Variants in COL22A1 observed in about 807,000 individuals in gnomAD.
COL22A1 encodes the protein collagen alpha-1(XXII) chain.
COL22A1 carries 221 observed loss-of-function variants against 248.9 expected under a neutral mutation model. The ratio of observed to expected loss-of-function variants is 0.89; its 90% CI spans 0.80 to 0.99. The LOEUF (loss-of-function observed/expected upper bound fraction) is 0.99, where lower values mean the gene tolerates loss of function less well. Among genes scored for constraint, COL22A1 ranks in the 50% least tolerant of loss-of-function variants. The pLI is 0.00. For missense variants in COL22A1, 2,240 were observed against 2,179.0 expected, an observed-to-expected ratio of 1.03 and a Z score of -0.56; for synonymous variants, 891 against 793.4, an observed-to-expected ratio of 1.12 and a Z score of -2.07.
intron 23 of COL22A1, among the ~76,000 whole-genome samples, chr8:138,728,641 G>T (rs1019443058): frequency 6.6e-6 from 1 of 151,864 alleles, no homozygotes; most frequent in Non-Finnish European, 1.5e-5. Context: ...CACGTTAGAG[G>T]TGATGGCTCT....
chr8:138,592,309 T>C (rs1379988544), intron 63 of COL22A1, among the ~76,000 whole-genome samples: 1 of 152,190 alleles, frequency 6.6e-6, no homozygotes, highest in African/African-American at 2.4e-5. Context: ...ATCAATCACT[T>C]GTTTTGCCAT....
rs998463752 is a variant in COL22A1, at chr8:138,616,178, G to A, written c.3871-124C>T. On this transcript the variant is annotated intron_variant, in intron 54 of 64. Transcript: ENST00000303045. ...CCAGGGGCCCTGTCAACTTCCATAC[G>A]CAGAGCCCCAGCCCTGAGTTGAGGT... 64 of 792,440 alleles carry A rather than the reference G, an allele frequency of 8.1e-5. No individual in the cohort carries two copies. In the Admixed American group the frequency reaches 1.1e-3, roughly 14 times the overall value. The allele number at this position is 792,440 out of a possible 1,614,324, so 49.1% of individuals were successfully genotyped here. A position where few individuals can be genotyped will look rare whatever the true frequency, so the allele number is the denominator to read the frequency against.
At chr8:138,802,175 T>C (rs746774007) in intron 11 of COL22A1, among the ~76,000 whole-genome samples, 3 of 152,192 alleles carry the variant, frequency 2.0e-5, no homozygotes, top group African/African-American at 7.2e-5. Flanking sequence ...GTTAAGTATC[T>C]TGGTGAAGCC....
chr8:138,897,603 G>A (rs531176713), intron 1 of COL22A1, among the ~76,000 whole-genome samples: 1 of 152,120 alleles, frequency 6.6e-6, no homozygotes, highest in Admixed American at 6.6e-5. Context: ...GTCCCTAAGA[G>A]TGAAGGCCAT....
intron 11 of COL22A1, among the ~76,000 whole-genome samples, chr8:138,800,790 C>T (rs1294373480): frequency 6.6e-6 from 1 of 152,192 alleles, no homozygotes; most frequent in Non-Finnish European, 1.5e-5. Context: ...AATCTCCCTT[C>T]CTTTGAACCC....
In COL22A1 at chr8:138,739,503, C is replaced by T. The variant is rs561713438; in HGVS notation, c.2086-1926G>A. 1.9e-3 allele frequency among the ~76,000 whole-genome samples: 296 copies of T among 152,282 alleles called. 3 individuals carry two copies. The highest frequency in any genetic ancestry group is 4.8e-3 in the Admixed American group (74 of 15,304). On this transcript the variant is annotated intron_variant, in intron 22 of 64. Transcript: ENST00000303045. ...TCACGCTGCCGTAATTTCCTTAGTG[C>T]GGATCCTCACCAGATGCACCATTGG...
At chr8:138,721,615 G>C (rs922363043) in intron 26 of COL22A1, among the ~76,000 whole-genome samples, 1 of 151,324 alleles carries the variant, frequency 6.6e-6, no homozygotes, top group Non-Finnish European at 1.5e-5. Flanking sequence ...TTTTTTTTGA[G>C]ACAGGTCTCT....
At position 138,724,649 on chromosome 8, in the gene COL22A1, C is replaced by T. The variant is rs1366267882; in HGVS notation, c.2213G>A (p.Gly738Asp). The change falls in exon 25 of 65, where the codon GGC (glycine) becomes GAC (aspartate). Residue 738 changes from glycine (G) to aspartate (D), a missense_variant. Transcript: ENST00000303045. ...AGGAGGTCCAGGCTTTCCCGGGAAG[C>T]CGATCTCTCCAGGCAAACCCTGAAA... is the stretch of plus-strand genomic sequence containing the variant. ...GGSPGLPGEI[G>D]FPGKPGPPGP... 1 of 1,614,170 alleles carries T rather than the reference C, an allele frequency of 6.2e-7. No individual in the cohort carries two copies. The highest frequency in any genetic ancestry group is 8.5e-7 in the Non-Finnish European group (1 of 1,179,996).
At chr8:138,839,963 A>G (rs1437609547) in intron 4 of COL22A1, among the ~76,000 whole-genome samples, 1 of 152,156 alleles carries the variant, frequency 6.6e-6, no homozygotes, top group African/African-American at 2.4e-5. Flanking sequence ...AGATTGACCC[A>G]AGGTTGGCTG....
chr8:138,785,041 T>A (rs1008824486), intron 12 of COL22A1, among the ~76,000 whole-genome samples: 2 of 152,120 alleles, frequency 1.3e-5, no homozygotes, highest in African/African-American at 2.4e-5. Flanking sequence ...ACAGGGCAGG[T>A]GCATGACTTT....
At position 138,826,759 on chromosome 8, in the gene COL22A1, G is replaced by T. The variant is rs370834084; in HGVS notation, c.868C>A (p.Pro290Thr). Reference sequence around the variant, plus strand: ...GTTGTGACAAAGGCGTACTCATCAGGTAAACCTTGGGGGAACACATCCCTG... The same window carrying T: ...GTTGTGACAAAGGCGTACTCATCAGTTAAACCTTGGGGGAACACATCCCTG... ...STEDVFPQGL[P>T]DEYAFVTTFR... The change falls in exon 6 of 65, where the codon CCT becomes ACT. Residue 290 changes from proline to threonine, a missense_variant. By Grantham distance (38) the Pro-to-Thr change is conservative. Transcript: ENST00000303045. The T allele has an allele frequency of 6.2e-7, 1 of 1,613,970 alleles. No homozygotes were observed. The highest frequency in any genetic ancestry group is 8.5e-7 in the Non-Finnish European group (1 of 1,179,998).
intron 1 of COL22A1, among the ~76,000 whole-genome samples, chr8:138,893,368 A>G (rs1022415322): frequency 6.6e-6 from 1 of 152,216 alleles, no homozygotes; most frequent in Non-Finnish European, 1.5e-5. Context: ...ACCACTCTGG[A>G]TGTCAACTCT....
Position 138,589,310 on chromosome 8 carries a change from G to A in COL22A1, c.4824C>T (p.Ser1608=), listed in dbSNP as rs1375857168. 2.5e-6 allele frequency: 4 copies of A among 1,613,698 alleles called. No homozygotes were observed. The South Asian group carries it at 3.3e-5, about 13-fold the overall frequency. The change falls in exon 65 of 65, where the codon TCC becomes TCT. Residue 1608 remains serine, a synonymous_variant. Transcript: ENST00000303045. The part of the protein sequence containing the change: ...PPGPPGQCDP[S]QCAYFASLAA... ...CAAGGCTGGCGAAGTAGGCACACTG[G>A]GAAGGGTCACATTGGCCTGGGGGAC...
At chr8:138,894,528 T>C (rs1453193600) in intron 1 of COL22A1, among the ~76,000 whole-genome samples, 1 of 152,152 alleles carries the variant, frequency 6.6e-6, no homozygotes, top group East Asian at 1.9e-4. Flanking sequence ...AGGCTGGAAA[T>C]ACTGAGGTAA....
intron 17 of COL22A1, 143 bp downstream of exon 17, chr8:138,762,270 T>C (rs1833551329): frequency 1.3e-6 from 1 of 751,162 alleles, no homozygotes; most frequent in Admixed American, 2.6e-5. Context: ...AGCCGGGGTC[T>C]GGTCCTAAGC....
At chr8:138,610,370 G>A (rs1019833585) in intron 56 of COL22A1, among the ~76,000 whole-genome samples, 6 of 152,146 alleles carry the variant, frequency 3.9e-5, no homozygotes, top group Non-Finnish European at 7.3e-5. Flanking sequence ...ACATACATTC[G>A]CAATCATCAC....
chr8:138,902,739 T>TATATATAC (rs763466994), intron 1 of COL22A1, among the ~76,000 whole-genome samples: 8,577 of 93,778 alleles, frequency 0.091, 496 homozygotes, highest in Middle Eastern at 0.12. Context: ...TATATATATA[T>TATATATAC]ACACACACAC....
At chr8:138,644,925 T>C (rs755822810) in intron 47 of COL22A1, among the ~76,000 whole-genome samples, 31 of 152,112 alleles carry the variant, frequency 2.0e-4, no homozygotes, top group Non-Finnish European at 4.1e-4. Context: ...ATGTGAGAAA[T>C]AAAGATCTCC....
At chr8:138,872,609 A>G (rs964011404) in intron 3 of COL22A1, among the ~76,000 whole-genome samples, 13 of 152,218 alleles carry the variant, frequency 8.5e-5, no homozygotes, top group Non-Finnish European at 1.0e-4. Flanking sequence ...TCTTAATTAT[A>G]GCTGATGCTC....
Sources: gnomAD v4.1 joint callset for allele counts (sites outside exome capture counted in the v4.1 genomes callset) on GRCh38, gnomAD v4.1.1 for gene constraint, MANE v1.5 for transcripts, NCBI Gene and HGNC (gene_info 2026-07-23, HGNC 2026-07-21) for gene names.